The following POU2F3 variants were observed in gnomAD, a reference collection of about 807,000 sequenced individuals.
POU2F3 encodes the protein POU domain, class 2, transcription factor 3.
A neutral mutation model predicts 59.2 loss-of-function variants in POU2F3; 23 were observed. That is an observed-to-expected ratio of 0.39 (90% CI 0.28 to 0.55). The LOEUF is 0.55. POU2F3 is among the 20% of genes least tolerant of loss of function. The pLI is 0.66. For missense variants in POU2F3, 473 were observed against 544.5 expected, an observed-to-expected ratio of 0.87 and a Z score of 1.31; for synonymous variants, 190 against 214.6, an observed-to-expected ratio of 0.89 and a Z score of 1.00.
chr11:120,253,167 C>A (rs1205546620), intron 2 of POU2F3, among the ~76,000 whole-genome samples: 1 of 152,166 alleles, frequency 6.6e-6, no homozygotes, highest in Non-Finnish European at 1.5e-5. Context: ...GCAGCTTGCA[C>A]TTACCATGCG....
At position 120,318,598 on chromosome 11, in the gene POU2F3, T is replaced by C. The variant is rs1259362001; in HGVS notation, c.*206T>C. On this transcript the variant is annotated 3_prime_UTR_variant, in exon 13 of 13. Coordinates refer to ENST00000543440, the MANE Select transcript of POU2F3 (RefSeq NM_014352.4). ...ACCAAGTGCAGACTCCTAATGCTCT[T>C]GAAATACACAGCCCCTCCTAGGAGC... 3.6e-6 allele frequency: 2 copies of C among 561,960 alleles called. No homozygotes were observed. The highest frequency in any genetic ancestry group is 3.0e-5 in the East Asian group (1 of 33,718). The allele number at this position is 561,960 out of a possible 1,614,324, so 34.8% of individuals were successfully genotyped here.
At position 120,299,812 on chromosome 11, in the gene POU2F3, T is replaced by C. The variant is rs2298579; in HGVS notation, c.361+86T>C. 0.036 allele frequency: 41,146 copies of C among 1,134,732 alleles called. 9,442 individuals are homozygous for C. The East Asian group carries it at 0.62, about 17-fold the overall frequency. The allele number at this position is 1,134,732 out of a possible 1,614,324, so 70.3% of individuals were successfully genotyped here. A position where few individuals can be genotyped will look rare whatever the true frequency, so the allele number is the denominator to read the frequency against. The stretch of plus-strand genomic sequence containing the variant: ...TTTTTTGCTGGGTGAGGGGGCCTAA[T>C]TGGAGAGCATGCGTCAGTCAGTCAC... On this transcript the variant is annotated intron_variant, in intron 5 of 12. Coordinates refer to ENST00000543440, the MANE Select transcript of POU2F3 (RefSeq NM_014352.4).
chr11:120,258,257 C>A (rs1388767219), intron 2 of POU2F3, among the ~76,000 whole-genome samples: 1 of 152,058 alleles, frequency 6.6e-6, no homozygotes, highest in African/African-American at 2.4e-5. Flanking sequence ...AGGAAAGAGC[C>A]CCTTGGACTC....
intron 10 of POU2F3, among the ~76,000 whole-genome samples, chr11:120,309,852 C>G (rs2135126762): frequency 6.6e-6 from 1 of 152,174 alleles, no homozygotes; most frequent in South Asian, 2.1e-4. Flanking sequence ...ACATGGATAT[C>G]TGGGGGAATG....
intron 11 of POU2F3, 86 bp downstream of exon 11, chr11:120,315,513 A>C: frequency 7.8e-7 from 1 of 1,277,820 alleles, no homozygotes; most frequent in Admixed American, 1.9e-5. Context: ...TACCTAAGTC[A>C]GGCTTCCCTA....
chr11:120,236,775 G>A (rs1315918868), upstream of POU2F3: 7 of 1,384,610 alleles, frequency 5.1e-6, no homozygotes, highest in South Asian at 1.2e-5. Flanking sequence ...AAGTCTGAGA[G>A]AGAAGGAATA....
At chr11:120,238,858 A>G (rs1289073779), upstream of POU2F3, among the ~76,000 whole-genome samples, 1 of 150,522 alleles carries the variant, frequency 6.6e-6, no homozygotes, top group African/African-American at 2.4e-5. Flanking sequence ...AAAAAAAAGA[A>G]CACGGAACTT....
Position 120,287,309 on chromosome 11 carries a change from C to T in POU2F3, c.133-10956C>T, listed in dbSNP as rs116665982. Among the ~76,000 whole-genome samples, 813 of 152,302 alleles carry T rather than the reference C, an allele frequency of 5.3e-3. 11 individuals are homozygous for T. Among genetic ancestry groups the T allele is most frequent in the African/African-American group, 0.018 (744 of 41,554 alleles). ...TTTCCTATATGCGAGGACTGTCAAA[C>T]GTATTTATGCATTAGTACCACATAT... On this transcript the variant is annotated intron_variant, in intron 3 of 12. Transcript: ENST00000543440.
intron 8 of POU2F3, among the ~76,000 whole-genome samples, chr11:120,306,721 G>C (rs1467876174): frequency 1.3e-5 from 2 of 152,188 alleles, no homozygotes; most frequent in Non-Finnish European, 2.9e-5. Flanking sequence ...ACTGGAGAGG[G>C]AGAAAAGGGT....
intron 5 of POU2F3, chr11:120,301,202 A>C (rs962233385): frequency 4.9e-6 from 2 of 409,226 alleles, no homozygotes; most frequent in Middle Eastern, 3.8e-4. Context: ...AAGTTACCTA[A>C]CCTCTCTGAG....
intron 1 of POU2F3, among the ~76,000 whole-genome samples, chr11:120,245,854 G>T (rs904855866): frequency 4.6e-5 from 7 of 152,052 alleles, no homozygotes; most frequent in Admixed American, 6.5e-5. Flanking sequence ...CAAAGGACAG[G>T]ATCTCCAAGG....
chr11:120,294,671 C>A (rs979581356), intron 3 of POU2F3, among the ~76,000 whole-genome samples: 5 of 152,186 alleles, frequency 3.3e-5, no homozygotes, highest in African/African-American at 7.2e-5. Context: ...TTAATTTCTT[C>A]ATTTCTGAAC....
intron 12 of POU2F3, 27 bp downstream of exon 12, chr11:120,317,391 C>T: frequency 1.9e-6 from 3 of 1,613,614 alleles, no homozygotes; most frequent in South Asian, 1.1e-5. Flanking sequence ...GGTGCAGAGA[C>T]ATCCCAGCAG....
At chr11:120,311,991 A>C (rs1399280434) in intron 10 of POU2F3, among the ~76,000 whole-genome samples, 1 of 152,200 alleles carries the variant, frequency 6.6e-6, no homozygotes, top group African/African-American at 2.4e-5. Context: ...GAGGAAAGAC[A>C]CCCAAATCAG....
At chr11:120,255,787 T>A (rs1481249965) in intron 2 of POU2F3, among the ~76,000 whole-genome samples, 1 of 152,094 alleles carries the variant, frequency 6.6e-6, no homozygotes, top group Non-Finnish European at 1.5e-5. Flanking sequence ...CTGGGCTCCA[T>A]TTAGCCCCTC....
intron 11 of POU2F3, chr11:120,317,020 T>G (rs1941805402): frequency 1.7e-6 from 1 of 605,838 alleles, no homozygotes. Context: ...GGGCCTGGGC[T>G]GCAGAGAGCA....
intron 1 of POU2F3, among the ~76,000 whole-genome samples, chr11:120,241,608 G>A (rs187443178): frequency 1.5e-3 from 236 of 152,296 alleles, no homozygotes; most frequent in African/African-American, 5.5e-3. Context: ...TTCTAGACTG[G>A]GCATACCTGG....
chr11:120,281,341 T>G (rs1252214870), intron 3 of POU2F3, among the ~76,000 whole-genome samples: 1 of 151,916 alleles, frequency 6.6e-6, no homozygotes, highest in Non-Finnish European at 1.5e-5. Flanking sequence ...AGAAGATAAC[T>G]GAGGCCCAAA....
chr11:120,257,833 C>T (rs967910696), intron 2 of POU2F3, among the ~76,000 whole-genome samples: 11 of 152,164 alleles, frequency 7.2e-5, no homozygotes, highest in Non-Finnish European at 1.6e-4. Flanking sequence ...GCATTTGAGC[C>T]AGGCATTTTG....
Sources: gnomAD v4.1 joint callset for allele counts (sites outside exome capture counted in the v4.1 genomes callset) on GRCh38, gnomAD v4.1.1 for gene constraint, MANE v1.5 for transcripts, NCBI Gene and HGNC (gene_info 2026-07-23, HGNC 2026-07-21) for gene names.